COG5: variants seen among roughly 807,000 people sequenced by gnomAD.
The protein encoded by COG5 is conserved oligomeric Golgi complex subunit 5.
A neutral mutation model predicts 110.4 loss-of-function variants in COG5; 86 were observed. That is an observed-to-expected ratio of 0.78 (90% confidence interval 0.65 to 0.93). The LOEUF is 0.93. Ranked by LOEUF, COG5 falls within the 40% of genes least tolerant of loss-of-function variation. COG5 has a pLI of 0.00. For missense variants in COG5, 1,077 were observed against 987.0 expected, an observed-to-expected ratio of 1.09 and a Z score of -1.22; for synonymous variants, 360 against 334.6, an observed-to-expected ratio of 1.08 and a Z score of -0.83.
chr7:107,386,295 G>A (rs529588269), intron 7 of COG5, among the ~76,000 whole-genome samples: 134 of 152,050 alleles, frequency 8.8e-4, no homozygotes, highest in African/African-American at 3.1e-3. Context: ...AGTCGGGGCC[G>A]GGGTTGCAAC....
chr7:107,269,722 ATTAC>A (rs991477808), intron 14 of COG5, among the ~76,000 whole-genome samples: 2 of 152,152 alleles, frequency 1.3e-5, no homozygotes, highest in African/African-American at 4.8e-5. Flanking sequence ...TGTGCTTATT[ATTAC>A]TTATTATTAC....
At chr7:107,542,362 A>C (rs1802102840) in intron 5 of COG5, among the ~76,000 whole-genome samples, 1 of 152,182 alleles carries the variant, frequency 6.6e-6, no homozygotes, top group African/African-American at 2.4e-5. Context: ...AAAAACTAAC[A>C]AGTTTGACAA....
intron 6 of COG5, among the ~76,000 whole-genome samples, chr7:107,516,383 T>G (rs1476148865): frequency 6.6e-6 from 1 of 152,240 alleles, no homozygotes; most frequent in African/African-American, 2.4e-5. Flanking sequence ...TCAAATATAC[T>G]TTGCAAATAT....
At chr7:107,280,357 G>A (rs990491206) in intron 14 of COG5, among the ~76,000 whole-genome samples, 24 of 151,994 alleles carry the variant, frequency 1.6e-4, no homozygotes, top group African/African-American at 5.6e-4. Context: ...AGGAAGCCTC[G>A]TAACATGACT....
At chr7:107,486,175 T>C (rs898076000) in intron 6 of COG5, among the ~76,000 whole-genome samples, 1 of 152,272 alleles carries the variant, frequency 6.6e-6, no homozygotes, top group African/African-American at 2.4e-5. Flanking sequence ...AAAGTCTTTC[T>C]AGACTTACCA....
chr7:107,295,083 ATATATATATATATATATATTT>A (rs1175348942), intron 12 of COG5, among the ~76,000 whole-genome samples: 1 of 65,088 alleles, frequency 1.5e-5, no homozygotes, highest in Non-Finnish European at 2.9e-5. Flanking sequence ...ATATATATAT[ATATATATATATATATATATTT>A]TTTTTTTTTT....
intron 7 of COG5, among the ~76,000 whole-genome samples, chr7:107,388,714 G>A (rs114490223): frequency 6.6e-6 from 1 of 152,062 alleles, no homozygotes; most frequent in African/African-American, 2.4e-5. Flanking sequence ...AGTAATGTAC[G>A]GTGTGGTCCA....
rs1312633866 is a variant in COG5 at position 107,360,641 on chromosome 7, C to T, written c.1026+1392G>A. Among the ~76,000 whole-genome samples, 3 of 152,166 alleles carry T rather than the reference C, an allele frequency of 2.0e-5. 1 individual carries two copies. Among genetic ancestry groups the T allele is most frequent in the Non-Finnish European group, 4.4e-5 (3 of 68,022 alleles). Reference sequence around the variant, plus strand: ...TACATTCCCCTCATCTAGATGCCTGCAGCATAAGCTGTGTGTAGTACATCT... The same window carrying T: ...TACATTCCCCTCATCTAGATGCCTGTAGCATAAGCTGTGTGTAGTACATCT... On this transcript the variant is annotated intron_variant, in intron 10 of 21. Coordinates refer to ENST00000297135, the MANE Select transcript of COG5 (RefSeq NM_006348.5).
intron 11 of COG5, among the ~76,000 whole-genome samples, chr7:107,319,659 C>T (rs2117042385): frequency 6.6e-6 from 1 of 152,348 alleles, no homozygotes; most frequent in South Asian, 2.1e-4. Flanking sequence ...TAGCAGTTAC[C>T]TTTCCATGTA....
chr7:107,499,259 T>C (rs10243682), intron 6 of COG5, among the ~76,000 whole-genome samples: 4,967 of 152,246 alleles, frequency 0.033, 269 homozygotes, highest in African/African-American at 0.11. Context: ...CAATACCATA[T>C]TATACATTTA....
intron 10 of COG5, among the ~76,000 whole-genome samples, chr7:107,348,125 CAAAAA>C (rs34140927): frequency 2.7e-4 from 14 of 51,248 alleles, no homozygotes; most frequent in African/African-American, 7.0e-4. Context: ...GACTCCATCT[CAAAAA>C]AAAAAAAAAA....
In COG5 at chr7:107,474,022, T is replaced by C; in HGVS notation, c.538+53215A>G. The C allele has an allele frequency of 2.8e-6, 3 of 1,062,296 alleles. No homozygotes were observed. The highest frequency in any genetic ancestry group is 3.1e-5 in the South Asian group (2 of 65,020). 65.8% of individuals were successfully genotyped at this position (1,062,296 alleles called of 1,614,324 possible). The stretch of plus-strand genomic sequence containing the variant: ...GCCAAATATCAAATAGTTTATTCTA[T>C]TTCACTTTCTAGGGAAAAAAACCAA... On this transcript the variant is annotated intron_variant, in intron 6 of 21. Transcript: ENST00000297135. This position sits in a 1 kb window ranked among gnomAD's most constrained non-coding sequence, Gnocchi z 5.7.
intron 19 of COG5, among the ~76,000 whole-genome samples, chr7:107,222,495 C>T (rs1363621802): frequency 6.6e-6 from 1 of 152,172 alleles, no homozygotes; most frequent in African/African-American, 2.4e-5. Context: ...TGAGCCACCA[C>T]GCCCAGCCTC....
intron 19 of COG5, among the ~76,000 whole-genome samples, chr7:107,215,128 G>A (rs1799433205): frequency 6.6e-6 from 1 of 151,998 alleles, no homozygotes; most frequent in Non-Finnish European, 1.5e-5. Context: ...CTCATGGTAA[G>A]TACAAAACAA....
chr7:107,372,583 C>A lies in COG5; in HGVS notation c.835+12G>T. 1.2e-6 allele frequency: 2 copies of A among 1,612,552 alleles called. No individual in the cohort carries two copies. The highest frequency in any genetic ancestry group is 2.2e-5 in the South Asian group (2 of 91,042). ...AATAAATAAAGAAGCTAAATATAAA[C>A]CACATCCATACCTCTCACAGCTGAC... On this transcript the variant is annotated intron_variant, in intron 8 of 21. Transcript: ENST00000297135.
chr7:107,558,935 AC>A (rs1420778836), intron 1 of COG5, among the ~76,000 whole-genome samples: 631 of 56,308 alleles, frequency 0.011, 11 homozygotes, highest in Non-Finnish European at 0.02. Context: ...AAAAAAAAAA[AC>A]CATAACTACT....
intron 7 of COG5, among the ~76,000 whole-genome samples, chr7:107,384,129 C>T (rs1351395834): frequency 6.6e-6 from 1 of 152,158 alleles, no homozygotes; most frequent in Non-Finnish European, 1.5e-5. Context: ...CATCAGACTC[C>T]AAATGGTCAC....
chr7:107,230,413 C>T (rs1800692863), intron 19 of COG5, among the ~76,000 whole-genome samples: 1 of 152,070 alleles, frequency 6.6e-6, no homozygotes, highest in African/African-American at 2.4e-5. Context: ...TAAGAAAATA[C>T]ACATACCCTC....
chr7:107,267,483 A>G (rs1382683472), intron 14 of COG5, among the ~76,000 whole-genome samples: 1 of 152,240 alleles, frequency 6.6e-6, no homozygotes, highest in Non-Finnish European at 1.5e-5. Flanking sequence ...TTGAAAAAGA[A>G]AGAACTGTTC....
Sources: gnomAD v4.1 joint callset for allele counts (sites outside exome capture counted in the v4.1 genomes callset) on GRCh38, gnomAD v4.1.1 for gene constraint, Gnocchi (gnomAD v3.1) non-coding constraint, MANE v1.5 for transcripts, NCBI Gene and HGNC (gene_info 2026-07-23, HGNC 2026-07-21) for gene names.